Variants in SIL1 observed in about 807,000 individuals in gnomAD.
The protein encoded by SIL1 is nucleotide exchange factor SIL1.
SIL1 carries 40 observed loss-of-function variants against 49.1 expected under a neutral mutation model. The ratio of observed to expected loss-of-function variants is 0.81; its 90% CI spans 0.63 to 1.06. The LOEUF is 1.06. SIL1 is among the 50% of genes least tolerant of loss of function. The pLI is 0.00. For missense variants in SIL1, 500 were observed against 572.6 expected (o/e 0.87, Z 1.29); for synonymous variants, 253 against 250.8 (o/e 1.01, Z -0.08).
intron 7 of SIL1, among the ~76,000 whole-genome samples, chr5:138,971,130 GAAGT>G (rs1561810269): frequency 6.6e-6 from 1 of 152,124 alleles, no homozygotes; most frequent in Non-Finnish European, 1.5e-5. Flanking sequence ...CAAAGGAAAG[GAAGT>G]ATTATTTTCC....
rs57796613 is a variant in SIL1, at chr5:138,956,742, T to TAAA, written c.768-4861_768-4859dup. Reference sequence around the variant, plus strand: ...TGGGCAACAGAGCAAGACTCTATCTTAAAAAAAAAAAAAAGATACAATTAC... The same window carrying TAAA: ...TGGGCAACAGAGCAAGACTCTATCTTAAAAAAAAAAAAAAAAAGATACAATTAC... On this transcript the variant is annotated intron_variant, in intron 7 of 9. Transcript: ENST00000394817. Among the ~76,000 whole-genome samples, 80 of 134,020 alleles carry TAAA rather than the reference T, an allele frequency of 6.0e-4. 1 individual carries two copies. Among genetic ancestry groups the TAAA allele is most frequent in the African/African-American group, 2.1e-3 (77 of 37,060 alleles). The allele number at this position is 134,020 out of a possible 152,430, so 87.9% of individuals were successfully genotyped here.
intron 1 of SIL1, among the ~76,000 whole-genome samples, chr5:139,139,320 AGG>A (rs1751036696): frequency 6.6e-6 from 1 of 152,174 alleles, no homozygotes; most frequent in African/African-American, 2.4e-5. Context: ...GTTCGAGGGG[AGG>A]AGAGATCAGA....
chr5:139,019,284 G>C (rs951741703), intron 7 of SIL1, among the ~76,000 whole-genome samples: 18 of 152,194 alleles, frequency 1.2e-4, no homozygotes, highest in African/African-American at 4.3e-4. Context: ...TCAGACTAGA[G>C]TACTGAAACC....
chr5:138,972,625 G>A (rs2150393317), intron 7 of SIL1, among the ~76,000 whole-genome samples: 1 of 152,312 alleles, frequency 6.6e-6, no homozygotes, highest in Middle Eastern at 3.4e-3. Context: ...CAAACCTGGA[G>A]AGAACCTCAG....
chr5:139,152,509 T>C (rs187556992), intron 1 of SIL1, among the ~76,000 whole-genome samples: 18 of 151,226 alleles, frequency 1.2e-4, no homozygotes, highest in African/African-American at 3.4e-4. Flanking sequence ...TAATCCCAGC[T>C]ACTCGGCAGG....
chr5:139,154,661 C>T (rs926266572), intron 1 of SIL1, among the ~76,000 whole-genome samples: 1 of 152,152 alleles, frequency 6.6e-6, no homozygotes, highest in Non-Finnish European at 1.5e-5. Flanking sequence ...GAGGTCAGAA[C>T]CCCCACCCCG....
rs80235557 is a variant in SIL1 at position 139,121,227 on chromosome 5, A to G, written c.106-54T>C. ...CACTGCAACTAGGCGCCAGGTAAGC[A>G]GAAAAAAAATGGCCTAGGGTGGCAC... On this transcript the variant is annotated intron_variant, in intron 2 of 9. Coordinates refer to ENST00000394817, the MANE Select transcript of SIL1 (RefSeq NM_022464.5). 8.3e-3 allele frequency: 13,351 copies of G among 1,612,830 alleles called. 693 individuals carry two copies. The African/African-American group carries it at 0.13, about 16-fold the overall frequency.
chr5:139,068,833 A>G (rs1472173461), intron 3 of SIL1, among the ~76,000 whole-genome samples: 4 of 152,144 alleles, frequency 2.6e-5, no homozygotes, highest in Admixed American at 2.0e-4. Context: ...AGAAAAGAAT[A>G]ACATCCCTAC....
intron 7 of SIL1, among the ~76,000 whole-genome samples, chr5:138,992,538 T>A (rs1041003704): frequency 1.3e-5 from 2 of 152,218 alleles, no homozygotes; most frequent in African/African-American, 4.8e-5. Context: ...ACAGCATACC[T>A]GGTCCAGGTG....
At chr5:139,016,827 T>G (rs1453454919) in intron 7 of SIL1, 2 of 152,130 alleles carry the variant, frequency 1.3e-5, no homozygotes, top group Non-Finnish European at 2.9e-5. Context: ...TGTGCACTCA[T>G]TTGTATTCCT....
intron 1 of SIL1, chr5:139,137,563 G>C: frequency 2.2e-6 from 1 of 445,668 alleles, no homozygotes; most frequent in South Asian, 3.3e-5. Context: ...AAGTTTTAGG[G>C]TACATGTGCA....
chr5:139,024,720 T>C (rs559698034), intron 6 of SIL1, among the ~76,000 whole-genome samples: 1 of 152,220 alleles, frequency 6.6e-6, no homozygotes, highest in African/African-American at 2.4e-5. Flanking sequence ...CCACCTGCAG[T>C]CTAATTCTCA....
chr5:139,045,273 C>T lies in SIL1; in HGVS notation c.354-2554G>A, dbSNP rs1025904241. Reference sequence around the variant, plus strand: ...TCAGAAGCCTGAGGTGGGAGGATTGCTTGAGCCCAGGCTGTAGTGAGCCAT... The same window carrying T: ...TCAGAAGCCTGAGGTGGGAGGATTGTTTGAGCCCAGGCTGTAGTGAGCCAT... On this transcript the variant is annotated intron_variant, in intron 4 of 9. Transcript: ENST00000394817. 1.1e-4 allele frequency among the ~76,000 whole-genome samples: 16 copies of T among 152,286 alleles called. No individual in the cohort carries two copies. The East Asian group carries it at 3.1e-3, about 29-fold the overall frequency.
intron 7 of SIL1, among the ~76,000 whole-genome samples, chr5:138,958,052 C>T (rs1766939954): frequency 6.6e-6 from 1 of 152,140 alleles, no homozygotes; most frequent in South Asian, 2.1e-4. Context: ...AGCCACTGCA[C>T]AGAGCCCTCT....
chr5:139,185,041 G>A (rs1050623197), intron 1 of SIL1, among the ~76,000 whole-genome samples: 7 of 152,138 alleles, frequency 4.6e-5, no homozygotes, highest in South Asian at 2.1e-4. Flanking sequence ...TTATAACACC[G>A]ACGAGAAAAA....
chr5:139,163,016 G>A (rs1241023733), intron 1 of SIL1, among the ~76,000 whole-genome samples: 1 of 151,948 alleles, frequency 6.6e-6, no homozygotes, highest in Non-Finnish European at 1.5e-5. Context: ...AGAGGGTACA[G>A]GTGGAGCAAA....
chr5:139,141,853 A>G (rs1751086060), intron 1 of SIL1, among the ~76,000 whole-genome samples: 1 of 152,212 alleles, frequency 6.6e-6, no homozygotes, highest in African/African-American at 2.4e-5. Context: ...ACACTTTAAA[A>G]TACATTATTT....
Position 139,031,238 on chromosome 5 carries a change from AT to A in SIL1, c.454-4247del, listed in dbSNP as rs998165133. Reference sequence around the variant, plus strand: ...GATGTTCTATGTTTCATTCTAGAAGATTTTTTTTTTCTTTTTAGTTTCACAT... The same window carrying A: ...GATGTTCTATGTTTCATTCTAGAAGATTTTTTTTTCTTTTTAGTTTCACAT... On this transcript the variant is annotated intron_variant, in intron 5 of 9. Coordinates refer to ENST00000394817, the MANE Select transcript of SIL1 (RefSeq NM_022464.5). Among the ~76,000 whole-genome samples, 323 of 149,656 alleles carry A rather than the reference AT, an allele frequency of 2.2e-3. 3 individuals are homozygous for A. Among genetic ancestry groups the A allele is most frequent in the African/African-American group, 4.6e-3 (188 of 40,734 alleles).
intron 3 of SIL1, among the ~76,000 whole-genome samples, chr5:139,103,227 C>T (rs751194163): frequency 6.6e-6 from 1 of 152,228 alleles, no homozygotes; most frequent in Non-Finnish European, 1.5e-5. Context: ...CCCTTTCTCT[C>T]CTATCTCTGA....
Sources: gnomAD v4.1 joint callset for allele counts (sites outside exome capture counted in the v4.1 genomes callset) on GRCh38, gnomAD v4.1.1 for gene constraint, MANE v1.5 for transcripts, NCBI Gene and HGNC (gene_info 2026-07-23, HGNC 2026-07-21) for gene names.